EHMT1: variants seen among roughly 807,000 people sequenced by gnomAD.
EHMT1 encodes the protein histone-lysine N-methyltransferase EHMT1.
Under a neutral mutation model 147.2 loss-of-function variants are expected in EHMT1, and 15 were observed. The observed-to-expected ratio is 0.10, with a 90% CI of 0.07 to 0.16. The LOEUF is 0.16. EHMT1 is among the 10% of genes least tolerant of loss of function. EHMT1 has a pLI of 1.00. For synonymous variants in EHMT1, 795 were observed against 709.6 expected (o/e 1.12, Z -1.91); for missense variants, 1,587 against 1,772.4 (o/e 0.90, Z 1.88).
At position 137,828,603 on chromosome 9, in the gene EHMT1, G is replaced by A. The variant is rs899810419; in HGVS notation, c.3541-5746G>A. Among the ~76,000 whole-genome samples, 7 of 152,112 alleles carry A rather than the reference G, an allele frequency of 4.6e-5. No individual in the cohort carries two copies. The highest frequency in any genetic ancestry group is 1.7e-4 in the African/African-American group (7 of 41,402). ...GGGTGCGGGGTGGGGGAGGTACCAC[G>A]TCTCCCGGGCAGCCACAGATCCCAC... On this transcript the variant is annotated intron_variant, in intron 25 of 26. Coordinates refer to ENST00000460843, the MANE Select transcript of EHMT1 (RefSeq NM_024757.5). The surrounding 1 kb of genome is among the most constrained non-coding windows in gnomAD (Gnocchi z 5.3).
chr9:137,793,806 G>T (rs1169577956), intron 16 of EHMT1, among the ~76,000 whole-genome samples: 5 of 152,208 alleles, frequency 3.3e-5, no homozygotes, highest in African/African-American at 1.2e-4. Flanking sequence ...AATCCTGTAC[G>T]ATGTGACCGA....
chr9:137,799,185 A>G (rs11137241), intron 17 of EHMT1, among the ~76,000 whole-genome samples: 1 of 148,630 alleles, frequency 6.7e-6, no homozygotes, highest in African/African-American at 2.5e-5. Flanking sequence ...CCTTCCACAC[A>G]CAGGGTTAGC....
intron 1 of EHMT1, among the ~76,000 whole-genome samples, chr9:137,672,911 C>G (rs975997556): frequency 2.6e-5 from 4 of 152,138 alleles, no homozygotes; most frequent in Non-Finnish European, 4.4e-5. Context: ...GGAACTTTAC[C>G]GATTGCAGAG....
intron 3 of EHMT1, among the ~76,000 whole-genome samples, chr9:137,724,607 T>C (rs1946407590): frequency 6.6e-6 from 1 of 152,242 alleles, no homozygotes; most frequent in African/African-American, 2.4e-5. Flanking sequence ...AGGTTTTGTT[T>C]TTGTACCTTC....
intron 4 of EHMT1, among the ~76,000 whole-genome samples, chr9:137,739,874 G>A (rs1276784258): frequency 6.6e-6 from 1 of 152,232 alleles, no homozygotes; most frequent in Non-Finnish European, 1.5e-5. Context: ...CGGGCAGGGA[G>A]GAAGGAGGAC....
chr9:137,621,892 A>C (rs1490219214), intron 1 of EHMT1, among the ~76,000 whole-genome samples: 2 of 151,764 alleles, frequency 1.3e-5, no homozygotes, highest in Non-Finnish European at 2.9e-5. Flanking sequence ...AATTTAAAAA[A>C]TCAGTGCTAA....
At chr9:137,774,102 G>T (rs1208058738) in intron 10 of EHMT1, among the ~76,000 whole-genome samples, 2 of 152,190 alleles carry the variant, frequency 1.3e-5, no homozygotes, top group African/African-American at 4.8e-5. Context: ...TCCTCTGGCT[G>T]CCCCAGAATC....
chr9:137,782,868 C>A lies in EHMT1; in HGVS notation c.2382+471C>A, dbSNP rs1382300385. ...CTGTTGGTTGAGTTGACTCTGCCACCTGCTAATTTATTCTGAACCATCTGA... is the reference window on the plus strand; with the variant it reads ...CTGTTGGTTGAGTTGACTCTGCCACATGCTAATTTATTCTGAACCATCTGA... On this transcript the variant is annotated intron_variant, in intron 15 of 26. Transcript: ENST00000460843. This position sits in a 1 kb window ranked among gnomAD's most constrained non-coding sequence, Gnocchi z 5.7. 6.6e-6 allele frequency among the ~76,000 whole-genome samples: 1 copy of A among 152,054 alleles called. No homozygotes were observed. Among genetic ancestry groups the A allele is most frequent in the African/African-American group, 2.4e-5 (1 of 41,384 alleles).
At chr9:137,619,858 CAGG>C (rs1205458271) in intron 1 of EHMT1, among the ~76,000 whole-genome samples, 1 of 151,884 alleles carries the variant, frequency 6.6e-6, no homozygotes, top group African/African-American at 2.4e-5. Flanking sequence ...GAAAAGCAAG[CAGG>C]AGGTGGTGTG....
chr9:137,724,791 A>G (rs1027847729), intron 3 of EHMT1, among the ~76,000 whole-genome samples: 6 of 152,188 alleles, frequency 3.9e-5, no homozygotes, highest in Non-Finnish European at 2.9e-5. Context: ...AGAAAGACCA[A>G]GAAACGTTAT....
intron 16 of EHMT1, among the ~76,000 whole-genome samples, chr9:137,795,698 C>T (rs558660223): frequency 2.9e-4 from 44 of 152,130 alleles, no homozygotes; most frequent in South Asian, 8.3e-4. Flanking sequence ...ATCCTATTGA[C>T]GACCTGCTGT....
chr9:137,782,379 C>T lies in EHMT1; in HGVS notation c.2364C>T (p.Ile788=). 6.2e-7 allele frequency: 1 copy of T among 1,611,010 alleles called. No individual in the cohort carries two copies. Among genetic ancestry groups the T allele is most frequent in the Non-Finnish European group, 8.5e-7 (1 of 1,179,656 alleles). ...HAAAEAGHVD[I]CHMLVQAGAN... ...CGGCAGAGGCTGGACACGTGGACAT[C>T]TGCCACATGCTGGTTCAGGTGCGGC... The change falls in exon 15 of 27, where the codon ATC becomes ATT. Residue 788 remains isoleucine (I), a synonymous_variant. Transcript: ENST00000460843. The surrounding 1 kb of genome is among the most constrained non-coding windows in gnomAD (Gnocchi z 5.7).
intron 1 of EHMT1, among the ~76,000 whole-genome samples, chr9:137,625,069 A>T (rs1843169261): frequency 6.6e-6 from 1 of 151,180 alleles, no homozygotes; most frequent in Admixed American, 6.6e-5. Context: ...TTCGGTAGAG[A>T]TGGGGTTTCG....
At chr9:137,672,056 G>T (rs1940731357) in intron 1 of EHMT1, among the ~76,000 whole-genome samples, 2 of 152,226 alleles carry the variant, frequency 1.3e-5, no homozygotes, top group Non-Finnish European at 2.9e-5. Context: ...GCTACATACA[G>T]ATGTGAAGCA....
chr9:137,700,773 C>G (rs1188994049), intron 1 of EHMT1, among the ~76,000 whole-genome samples: 1 of 152,092 alleles, frequency 6.6e-6, no homozygotes, highest in African/African-American at 2.4e-5. Context: ...AGGAACTGTT[C>G]CTGTGATCAA....
At chr9:137,677,910 GAAAA>G (rs527549382) in intron 1 of EHMT1, among the ~76,000 whole-genome samples, 1 of 140,172 alleles carries the variant, frequency 7.1e-6, no homozygotes, top group Non-Finnish European at 1.6e-5. Context: ...TACAAAAAAA[GAAAA>G]AAAAAAAAGC....
At chr9:137,712,158 CTT>C (rs1944797714) in intron 2 of EHMT1, among the ~76,000 whole-genome samples, 1 of 152,214 alleles carries the variant, frequency 6.6e-6, no homozygotes. Flanking sequence ...CTTTCTGTGT[CTT>C]TGAACTGTTT....
chr9:137,639,364 C>T (rs1346889613), intron 1 of EHMT1, among the ~76,000 whole-genome samples: 2 of 152,126 alleles, frequency 1.3e-5, no homozygotes, highest in Admixed American at 6.5e-5. Context: ...TTAAGTCTTC[C>T]TTATTCTTTC....
chr9:137,793,815 G>A (rs935180226), intron 16 of EHMT1, among the ~76,000 whole-genome samples: 6 of 152,218 alleles, frequency 3.9e-5, no homozygotes, highest in African/African-American at 9.6e-5. Flanking sequence ...CGATGTGACC[G>A]ATAGAAGCCA....
Sources: gnomAD v4.1 joint callset for allele counts (sites outside exome capture counted in the v4.1 genomes callset) on GRCh38, gnomAD v4.1.1 for gene constraint, Gnocchi (gnomAD v3.1) non-coding constraint, MANE v1.5 for transcripts, NCBI Gene and HGNC (gene_info 2026-07-23, HGNC 2026-07-21) for gene names.